RIPOR2: variants seen among roughly 807,000 people sequenced by gnomAD.
RIPOR2 encodes rho family-interacting cell polarization regulator 2.
Under a neutral mutation model 114.5 loss-of-function variants are expected in RIPOR2, and 39 were observed. The observed-to-expected ratio is 0.34, with a 90% CI of 0.26 to 0.44. The LOEUF (loss-of-function observed/expected upper bound fraction) is 0.44, where lower values mean the gene tolerates loss of function less well. Ranked by LOEUF, RIPOR2 falls within the 20% of genes least tolerant of loss-of-function variation. The pLI, the probability that RIPOR2 is intolerant of heterozygous loss-of-function variation, is 1.00. For synonymous variants in RIPOR2, 445 were observed against 484.4 expected (o/e 0.92, Z 1.07); for missense variants, 1,007 against 1,255.1 (o/e 0.80, Z 2.99).
At chr6:24,830,475 G>A (rs1468743922) in intron 17 of RIPOR2, 34 bp downstream of exon 17, 7 of 1,526,428 alleles carry the variant, frequency 4.6e-6, no homozygotes, top group African/African-American at 2.8e-5. Context: ...TCACACTGAA[G>A]GACAGAAATT....
intron 1 of RIPOR2, among the ~76,000 whole-genome samples, chr6:24,953,726 C>A (rs1023702977): frequency 6.6e-6 from 1 of 152,168 alleles, no homozygotes; most frequent in African/African-American, 2.4e-5. Flanking sequence ...CACAAAGACA[C>A]AAAGAAGAAT....
In RIPOR2 at chr6:24,843,224, G is replaced by A. The variant is rs35780910; in HGVS notation, c.1495C>T (p.Arg499Cys). The change falls in exon 13 of 22, where the codon CGC becomes TGC. Residue 499 changes from arginine to cysteine, a missense_variant. Arg to Cys is a radical substitution (Grantham distance 180). Coordinates refer to ENST00000643898, the MANE Select transcript of RIPOR2 (RefSeq NM_001286445.3). ...KPASAPSEAC[R>C]RQSSGAGAEH... ...GCCCCAGCACCTGAGGACTGTCGGC[G>A]GCAAGCCTCAGATGGGGCCGAGGCA... is the stretch of plus-strand genomic sequence containing the variant. 23,256 of 1,613,968 alleles carry A rather than the reference G, an allele frequency of 0.014. 434 individuals carry two copies. The highest frequency in any genetic ancestry group is 0.084 in the African/African-American group (6,272 of 75,008).
intron 1 of RIPOR2, among the ~76,000 whole-genome samples, chr6:24,947,495 C>A (rs569086081): frequency 6.6e-6 from 1 of 152,240 alleles, no homozygotes; most frequent in South Asian, 2.1e-4. Context: ...GAAAACAAAA[C>A]CCCAGAATAA....
chr6:24,996,532 C>T lies in RIPOR2; in HGVS notation c.76+45319G>A, dbSNP rs146582661. ...AGCTCTTCATGAATGGCCTTATGCC[C>T]TCAAGCCCTGTGCTGCCCCTTTCCC... On this transcript the variant is annotated intron_variant, in intron 1 of 13. Transcript: ENST00000510784. Among the ~76,000 whole-genome samples the T allele has an allele frequency of 1.3e-3, 201 of 152,314 alleles. 1 individual carries two copies. The highest frequency in any genetic ancestry group is 4.6e-3 in the African/African-American group (192 of 41,552).
chr6:24,871,492 C>T (rs1050378184), intron 4 of RIPOR2, among the ~76,000 whole-genome samples: 2 of 152,156 alleles, frequency 1.3e-5, no homozygotes, highest in Admixed American at 1.3e-4. Flanking sequence ...GCTGGGATTA[C>T]AGGCACCCAC....
At chr6:24,930,835 T>G (rs543440272) in intron 1 of RIPOR2, among the ~76,000 whole-genome samples, 1 of 152,366 alleles carries the variant, frequency 6.6e-6, no homozygotes, top group South Asian at 2.1e-4. Flanking sequence ...GCAGCCTCTT[T>G]CTGCCCCTTT....
chr6:24,945,196 A>G (rs1469645598), intron 1 of RIPOR2, among the ~76,000 whole-genome samples: 1 of 152,210 alleles, frequency 6.6e-6, no homozygotes, highest in African/African-American at 2.4e-5. Flanking sequence ...GGGACAGCAT[A>G]TATAAAGTCC....
At chr6:24,960,280 A>G (rs911445908) in intron 1 of RIPOR2, among the ~76,000 whole-genome samples, 1 of 152,196 alleles carries the variant, frequency 6.6e-6, no homozygotes, top group Non-Finnish European at 1.5e-5. Flanking sequence ...AGGTCAAGGC[A>G]CCAGCAGTTT....
chr6:24,836,206 T>A lies in RIPOR2; in HGVS notation c.2040-335A>T, dbSNP rs553514538. 8.6e-4 allele frequency among the ~76,000 whole-genome samples: 131 copies of A among 152,348 alleles called. 1 individual carries two copies. Among genetic ancestry groups the A allele is most frequent in the African/African-American group, 3.0e-3 (125 of 41,572 alleles). On this transcript the variant is annotated intron_variant, in intron 14 of 21. Coordinates refer to ENST00000643898, the MANE Select transcript of RIPOR2 (RefSeq NM_001286445.3). Reference sequence around the variant, plus strand: ...CTTTCCTGCTCTGTTGACAGGGTGATCTGCCAAATTTTCTGGAATTAAATT... The same window carrying A: ...CTTTCCTGCTCTGTTGACAGGGTGAACTGCCAAATTTTCTGGAATTAAATT...
intron 1 of RIPOR2, among the ~76,000 whole-genome samples, chr6:24,909,092 T>G (rs1424119322): frequency 6.6e-6 from 1 of 152,188 alleles, no homozygotes; most frequent in East Asian, 1.9e-4. Context: ...GATGTTTGGA[T>G]GCAGTAAATT....
At chr6:24,911,133 G>T (rs1487034545) in intron 1 of RIPOR2, 3 of 209,360 alleles carry the variant, frequency 1.4e-5, no homozygotes, top group South Asian at 1.5e-4. Context: ...GCCGTGAGGA[G>T]GGGGAGGCGC....
At chr6:25,033,842 ATTTT>A (rs533714910) in intron 1 of RIPOR2, among the ~76,000 whole-genome samples, 1 of 152,048 alleles carries the variant, frequency 6.6e-6, no homozygotes, top group East Asian at 1.9e-4. Context: ...AGAGTTTAAG[ATTTT>A]TTTATTATTT....
At chr6:25,023,014 T>A (rs1383134479) in intron 1 of RIPOR2, among the ~76,000 whole-genome samples, 8 of 151,886 alleles carry the variant, frequency 5.3e-5, no homozygotes, top group Non-Finnish European at 1.2e-4. Flanking sequence ...TTTTTACTAG[T>A]GTATCTTTTA....
chr6:24,838,273 C>T (rs887739622), intron 14 of RIPOR2, among the ~76,000 whole-genome samples: 4 of 152,042 alleles, frequency 2.6e-5, no homozygotes, highest in Admixed American at 6.6e-5. Context: ...GACTTGGATG[C>T]GTGCCTTGAT....
intron 1 of RIPOR2, among the ~76,000 whole-genome samples, chr6:24,980,535 C>G (rs557104306): frequency 6.6e-6 from 1 of 152,306 alleles, no homozygotes; most frequent in South Asian, 2.1e-4. Context: ...TCTCCTTGCT[C>G]TTGTCAGAGC....
chr6:24,811,456 C>T (rs576060454), intron 20 of RIPOR2, among the ~76,000 whole-genome samples: 137 of 151,406 alleles, frequency 9.0e-4, no homozygotes, highest in African/African-American at 3.2e-3. Flanking sequence ...AGGCTGGTCT[C>T]GATCTCCTGA....
chr6:24,903,541 C>A (rs1768677104), intron 1 of RIPOR2, among the ~76,000 whole-genome samples: 1 of 152,058 alleles, frequency 6.6e-6, no homozygotes, highest in Non-Finnish European at 1.5e-5. Context: ...TGGATACTTA[C>A]ATAAAATCTC....
intron 1 of RIPOR2, among the ~76,000 whole-genome samples, chr6:25,010,536 C>G (rs1775736795): frequency 6.6e-6 from 1 of 152,202 alleles, no homozygotes; most frequent in African/African-American, 2.4e-5. Flanking sequence ...AGACAGTGTC[C>G]TTCAAGAGAT....
At chr6:24,831,637 T>C (rs951663048) in intron 16 of RIPOR2, among the ~76,000 whole-genome samples, 2 of 152,110 alleles carry the variant, frequency 1.3e-5, no homozygotes, top group African/African-American at 4.8e-5. Context: ...AGGGAGAAGA[T>C]AGAGGAAGTT....
Sources: gnomAD v4.1 joint callset for allele counts (sites outside exome capture counted in the v4.1 genomes callset) on GRCh38, gnomAD v4.1.1 for gene constraint, MANE v1.5 for transcripts, NCBI Gene and HGNC (gene_info 2026-07-23, HGNC 2026-07-21) for gene names.